ERI1: variants seen among roughly 807,000 people sequenced by gnomAD.
The protein encoded by ERI1 is 3'-5' exoribonuclease 1.
ERI1 carries 39 observed loss-of-function variants against 39.7 expected under a neutral mutation model. The ratio of observed to expected loss-of-function variants is 0.98; its 90% CI spans 0.76 to 1.28. The LOEUF (loss-of-function observed/expected upper bound fraction) is 1.28. Among genes scored for constraint, ERI1 ranks in the 50% most tolerant of loss-of-function variants. The pLI, the probability that ERI1 is intolerant of heterozygous loss-of-function variation, is 0.00. For synonymous variants in ERI1, 204 were observed against 149.6 expected, an observed-to-expected ratio of 1.36 and a Z score of -2.65; for missense variants, 581 against 416.9, an observed-to-expected ratio of 1.39 and a Z score of -3.43.
chr8:9,096,149 T>C (rs1284959005), intron 3 of ERI1, among the ~76,000 whole-genome samples: 2 of 152,224 alleles, frequency 1.3e-5, no homozygotes, highest in Non-Finnish European at 2.9e-5. Context: ...TTGCATGGCA[T>C]TCAGTGCAGA....
At chr8:9,087,010 C>T (rs180977083) in intron 3 of ERI1, among the ~76,000 whole-genome samples, 2 of 152,068 alleles carry the variant, frequency 1.3e-5, no homozygotes, top group South Asian at 2.1e-4. Context: ...ACCTCCTTCT[C>T]ACCTTCTCAT....
At chr8:9,078,837 G>T (rs1181192784) in intron 3 of ERI1, among the ~76,000 whole-genome samples, 1 of 152,108 alleles carries the variant, frequency 6.6e-6, no homozygotes, top group Non-Finnish European at 1.5e-5. Context: ...TTTTGTTTTT[G>T]TGGGGCCCTT....
chr8:9,011,826 C>T, intron 3 of ERI1, 74 bp downstream of exon 3: 1 of 1,139,868 alleles, frequency 8.8e-7, no homozygotes, highest in South Asian at 1.7e-5. Context: ...TGTGGAGGAC[C>T]TCATTTGCTT....
downstream of ERI1, among the ~76,000 whole-genome samples, chr8:9,033,788 T>A (rs1395259565): frequency 1.3e-5 from 2 of 152,130 alleles, no homozygotes; most frequent in Non-Finnish European, 2.9e-5. Context: ...CTATGCTGCC[T>A]CCCGTTGTAG....
At chr8:9,033,971 C>A (rs186117964), downstream of ERI1, among the ~76,000 whole-genome samples, 1 of 152,224 alleles carries the variant, frequency 6.6e-6, no homozygotes, top group African/African-American at 2.4e-5. Flanking sequence ...CTGTTAACTT[C>A]TAATGTGACC....
intron 3 of ERI1, among the ~76,000 whole-genome samples, chr8:9,016,042 AATTATT>A (rs201276007): frequency 0.036 from 5,464 of 152,258 alleles, 125 homozygotes; most frequent in Non-Finnish European, 0.05. Flanking sequence ...TTATGAACAA[AATTATT>A]AATATTTTGT....
chr8:9,028,821 A>G (rs946091010), intron 6 of ERI1, among the ~76,000 whole-genome samples: 4 of 151,906 alleles, frequency 2.6e-5, no homozygotes, highest in African/African-American at 9.7e-5. Context: ...ATGGGGTTTC[A>G]CCATGTTGGC....
chr8:9,042,762 G>A (rs1798065324), intron 3 of ERI1, among the ~76,000 whole-genome samples: 1 of 152,224 alleles, frequency 6.6e-6, no homozygotes, highest in African/African-American at 2.4e-5. Flanking sequence ...GTGTTGTCAT[G>A]ATTTCGGATT....
chr8:9,026,318 A>G (rs897170419), intron 6 of ERI1, among the ~76,000 whole-genome samples: 3 of 152,158 alleles, frequency 2.0e-5, no homozygotes, highest in African/African-American at 7.2e-5. Flanking sequence ...CATTCACATT[A>G]TTGCACAACC....
chr8:9,096,744 C>A (rs1003207828), intron 3 of ERI1: 1 of 107,884 alleles, frequency 9.3e-6, no homozygotes, highest in African/African-American at 3.5e-5. Flanking sequence ...TCTTTTCAGA[C>A]GGGATCTCAC....
intron 4 of ERI1, among the ~76,000 whole-genome samples, 166 bp from the exon 5 acceptor site, chr8:9,018,131 T>G (rs941313576): frequency 6.6e-6 from 1 of 152,230 alleles, no homozygotes; most frequent in Non-Finnish European, 1.5e-5. Context: ...TTTTTAGAAT[T>G]TCTTAAAAAT....
chr8:9,008,966 T>C (rs1816362141), intron 2 of ERI1: 2 of 455,246 alleles, frequency 4.4e-6, no homozygotes, highest in East Asian at 6.9e-5. Flanking sequence ...AATTTCTAGA[T>C]TGTCTACATC....
chr8:9,018,173 C>T (rs969007830), intron 4 of ERI1, 124 bp from the exon 5 acceptor site: 6 of 516,154 alleles, frequency 1.2e-5, no homozygotes, highest in Non-Finnish European at 2.1e-5. Context: ...CCAAGGAAAC[C>T]ATGAATTTAA....
At chr8:9,093,244 G>A (rs1372356875) in intron 3 of ERI1, among the ~76,000 whole-genome samples, 1 of 152,096 alleles carries the variant, frequency 6.6e-6, no homozygotes, top group African/African-American at 2.4e-5. Context: ...ACTAATGAAA[G>A]CTGATTAGCT....
At chr8:9,025,283 G>C (rs779272464) in intron 6 of ERI1, among the ~76,000 whole-genome samples, 10 of 152,166 alleles carry the variant, frequency 6.6e-5, no homozygotes, top group African/African-American at 9.7e-5. Flanking sequence ...CCAAGCAAAA[G>C]GTGGACATTT....
chr8:9,068,606 GC>G lies in ERI1; in HGVS notation n.300-47740del, dbSNP rs1347141101. Among the ~76,000 whole-genome samples, 9 of 152,124 alleles carry G rather than the reference GC, an allele frequency of 5.9e-5. No individual in the cohort carries two copies. In the South Asian group the frequency reaches 1.9e-3, roughly 32 times the overall value. ...ACCAAGCAAAGCAACCTCCTCCCTC[GC>G]CTTTAGGGTCCTCATATCCATGCTT... On this transcript the variant is annotated intron_variant and non_coding_transcript_variant, in intron 3 of 3. Transcript: ENST00000518663.
intron 3 of ERI1, among the ~76,000 whole-genome samples, chr8:9,043,016 A>G (rs1798073127): frequency 2.0e-5 from 3 of 152,128 alleles, no homozygotes; most frequent in Admixed American, 2.0e-4. Flanking sequence ...GGCAGTAGAC[A>G]CTTCATTTCT....
intron 3 of ERI1, chr8:9,062,693 C>G (rs1466635250): frequency 6.6e-6 from 1 of 151,104 alleles, no homozygotes; most frequent in Admixed American, 6.7e-5. Flanking sequence ...CCGGCAGTGT[C>G]AGTCTACAGC....
chr8:9,084,526 T>C (rs73662293), intron 3 of ERI1, among the ~76,000 whole-genome samples: 226 of 152,194 alleles, frequency 1.5e-3, no homozygotes, highest in African/African-American at 4.7e-3. Flanking sequence ...CTCCCTTAAC[T>C]CCACAGCTCA....
Sources: gnomAD v4.1 joint callset for allele counts (sites outside exome capture counted in the v4.1 genomes callset) on GRCh38, gnomAD v4.1.1 for gene constraint, MANE v1.5 for transcripts, NCBI Gene and HGNC (gene_info 2026-07-23, HGNC 2026-07-21) for gene names.